PDE11A: variants seen among roughly 807,000 people sequenced by gnomAD.
PDE11A encodes dual 3',5'-cyclic-AMP and -GMP phosphodiesterase 11A.
A neutral mutation model predicts 100.5 loss-of-function variants in PDE11A; 100 were observed. That is an observed-to-expected ratio of 1.00 (90% confidence interval 0.85 to 1.18). The LOEUF (loss-of-function observed/expected upper bound fraction) is 1.18. PDE11A is among the 50% of genes most tolerant of loss of function. PDE11A has a pLI of 0.00. For synonymous variants in PDE11A, 381 were observed against 420.8 expected, an observed-to-expected ratio of 0.91 and a Z score of 1.16; for missense variants, 1,141 against 1,152.6, an observed-to-expected ratio of 0.99 and a Z score of 0.15.
At chr2:178,098,286 G>C (rs932017956) in intron 2 of PDE11A, among the ~76,000 whole-genome samples, 5 of 152,220 alleles carry the variant, frequency 3.3e-5, no homozygotes, top group Middle Eastern at 3.4e-3. Context: ...TTGTTACAAT[G>C]AATAGAAAAC....
chr2:177,899,140 G>T (rs2084660004), intron 3 of PDE11A, among the ~76,000 whole-genome samples: 1 of 152,286 alleles, frequency 6.6e-6, no homozygotes, highest in South Asian at 2.1e-4. Context: ...GGGCGCAGTG[G>T]CTCATGCCTA....
At chr2:178,008,448 G>C (rs1024088643) in intron 2 of PDE11A, among the ~76,000 whole-genome samples, 8 of 152,128 alleles carry the variant, frequency 5.3e-5, no homozygotes, top group African/African-American at 1.7e-4. Context: ...CAAATCCCAT[G>C]CAAGTCATAC....
At chr2:178,003,196 G>T (rs2099476) in intron 2 of PDE11A, among the ~76,000 whole-genome samples, 49,378 of 151,822 alleles carry the variant, frequency 0.33, 10,089 homozygotes, top group East Asian at 0.55. Context: ...TCAATTCCTA[G>T]GTATATATCC....
chr2:177,841,244 C>A (rs527501017), intron 5 of PDE11A, among the ~76,000 whole-genome samples: 1 of 152,062 alleles, frequency 6.6e-6, no homozygotes, highest in Non-Finnish European at 1.5e-5. Flanking sequence ...TGCCAGGAGC[C>A]GTGGAGATAC....
At chr2:178,018,983 T>C (rs895415234) in intron 1 of PDE11A, among the ~76,000 whole-genome samples, 12 of 152,248 alleles carry the variant, frequency 7.9e-5, no homozygotes, top group Admixed American at 7.2e-4. Context: ...TATGAGCTTT[T>C]GCATCTTCAT....
intron 13 of PDE11A, among the ~76,000 whole-genome samples, chr2:177,704,987 T>C (rs1268708141): frequency 6.6e-6 from 1 of 152,098 alleles, no homozygotes; most frequent in Admixed American, 6.5e-5. Flanking sequence ...ATTACAGACA[T>C]GCACCACCAC....
At chr2:177,632,582 T>TG (rs1213776133) in intron 19 of PDE11A, among the ~76,000 whole-genome samples, 2 of 152,352 alleles carry the variant, frequency 1.3e-5, no homozygotes, top group Non-Finnish European at 1.5e-5. Context: ...TTTCATGCTC[T>TG]GGGGGACCTT....
chr2:177,758,903 G>A (rs746412290), intron 10 of PDE11A, among the ~76,000 whole-genome samples: 99 of 152,318 alleles, frequency 6.5e-4, no homozygotes, highest in Middle Eastern at 6.8e-3. Flanking sequence ...TCCAGGTCAT[G>A]CGTACACACA....
At chr2:178,034,388 A>G (rs1359203328) in intron 1 of PDE11A, among the ~76,000 whole-genome samples, 1 of 152,198 alleles carries the variant, frequency 6.6e-6, no homozygotes, top group Admixed American at 6.5e-5. Flanking sequence ...GTTCTTAGAG[A>G]CTTACAAAGA....
intron 5 of PDE11A, among the ~76,000 whole-genome samples, chr2:177,850,972 G>C (rs558869554): frequency 6.6e-6 from 1 of 152,354 alleles, no homozygotes; most frequent in Admixed American, 6.5e-5. Context: ...GTGGAAGACA[G>C]TGTGGCGACT....
intron 2 of PDE11A, among the ~76,000 whole-genome samples, chr2:177,980,590 T>C (rs549008316): frequency 8.6e-5 from 13 of 151,002 alleles, no homozygotes; most frequent in African/African-American, 2.9e-4. Flanking sequence ...TCAATGCAGA[T>C]TTATTTAGTT....
At chr2:177,783,753 G>A (rs1337682606) in intron 9 of PDE11A, among the ~76,000 whole-genome samples, 1 of 152,110 alleles carries the variant, frequency 6.6e-6, no homozygotes, top group Non-Finnish European at 1.5e-5. Flanking sequence ...AAAGGGTACT[G>A]GTTTTCCAGC....
intron 1 of PDE11A, among the ~76,000 whole-genome samples, chr2:178,032,546 T>C (rs771082351): frequency 6.6e-6 from 1 of 151,486 alleles, no homozygotes; most frequent in Non-Finnish European, 1.5e-5. Flanking sequence ...ACACCAGCTC[T>C]GCTAAGGGAC....
intron 2 of PDE11A, among the ~76,000 whole-genome samples, chr2:177,935,141 C>A (rs1389847410): frequency 1.3e-5 from 2 of 152,188 alleles, no homozygotes; most frequent in Non-Finnish European, 2.9e-5. Context: ...AAAATTCCCA[C>A]CAAAAGCACA....
intron 12 of PDE11A, among the ~76,000 whole-genome samples, chr2:177,715,481 TA>T (rs947185025): frequency 2.6e-5 from 4 of 151,556 alleles, no homozygotes; most frequent in African/African-American, 7.3e-5. Context: ...CTTTTTTTTT[TA>T]AAATAATTTT....
At chr2:177,715,805 C>T (rs747610840) in intron 12 of PDE11A, among the ~76,000 whole-genome samples, 2 of 152,140 alleles carry the variant, frequency 1.3e-5, no homozygotes, top group Non-Finnish European at 2.9e-5. Flanking sequence ...CTTCTTTTCT[C>T]TGTGTTTGGT....
At chr2:177,764,457 G>T (rs78526569) in intron 10 of PDE11A, among the ~76,000 whole-genome samples, 1,658 of 152,274 alleles carry the variant, frequency 0.011, 37 homozygotes, top group African/African-American at 0.037. Flanking sequence ...TTGGTAAACT[G>T]GCAATATATA....
At chr2:177,956,540 C>T (rs527756605) in intron 2 of PDE11A, among the ~76,000 whole-genome samples, 6 of 152,258 alleles carry the variant, frequency 3.9e-5, no homozygotes, top group African/African-American at 1.4e-4. Context: ...TACCATTTGA[C>T]CCAGCCATCC....
At chr2:177,665,247 G>T (rs1309041601) in intron 18 of PDE11A, among the ~76,000 whole-genome samples, 3 of 151,200 alleles carry the variant, frequency 2.0e-5, no homozygotes, top group Non-Finnish European at 2.9e-5. Context: ...TGGGGCAGGA[G>T]GATCACTTGA....
Sources: gnomAD v4.1 joint callset for allele counts (sites outside exome capture counted in the v4.1 genomes callset) on GRCh38, gnomAD v4.1.1 for gene constraint, MANE v1.5 for transcripts, NCBI Gene and HGNC (gene_info 2026-07-23, HGNC 2026-07-21) for gene names.